Variants in ZFAT observed in about 807,000 individuals in gnomAD.
ZFAT encodes the protein zinc finger and AT-hook domain containing, also known as zinc finger protein ZFAT.
Under a neutral mutation model 117.7 loss-of-function variants are expected in ZFAT, and 64 were observed. That is an observed-to-expected ratio of 0.54 (90% CI 0.44 to 0.67). ZFAT has a LOEUF of 0.67. Ranked by LOEUF, ZFAT falls within the 30% of genes least tolerant of loss-of-function variation. The probability of loss-of-function intolerance (pLI) is 0.00; values close to 1 mark genes in which losing one functional copy is unlikely to be tolerated. For synonymous variants in ZFAT, 679 were observed against 615.0 expected (o/e 1.10, Z -1.54); for missense variants, 1,433 against 1,584.5 (o/e 0.90, Z 1.62).
the ZFAT span, among the ~76,000 whole-genome samples, chr8:134,815,524 AC>A: frequency 6.6e-6 from 1 of 151,998 alleles, no homozygotes; most frequent in South Asian, 2.1e-4. Context: ...CTGTTTTAAA[AC>A]CCTCCAGTGG....
intron 2 of ZFAT, 140 bp from the exon 3 acceptor site, chr8:134,637,852 C>T (rs1026919602): frequency 4.0e-5 from 46 of 1,158,744 alleles, no homozygotes; most frequent in Admixed American, 3.9e-4. Flanking sequence ...CAGACATTAA[C>T]AGCTGCAAAC....
At chr8:134,668,627 G>A (rs944517902) in intron 1 of ZFAT, among the ~76,000 whole-genome samples, 1 of 152,236 alleles carries the variant, frequency 6.6e-6, no homozygotes. Context: ...AAAGACCAAA[G>A]GTAGATAAAA....
chr8:134,732,869 C>G, the ZFAT span, among the ~76,000 whole-genome samples: 1 of 152,040 alleles, frequency 6.6e-6, no homozygotes, highest in Non-Finnish European at 1.5e-5. Flanking sequence ...GAGACTATTC[C>G]GTAGGATCCT....
intron 1 of ZFAT, among the ~76,000 whole-genome samples, chr8:134,709,434 C>T (rs1025442198): frequency 6.6e-6 from 1 of 152,198 alleles, no homozygotes; most frequent in Non-Finnish European, 1.5e-5. Flanking sequence ...TGGTGAGAGG[C>T]AGATCTCTGG....
At chr8:134,678,998 C>T (rs1286732350) in intron 1 of ZFAT, among the ~76,000 whole-genome samples, 1 of 152,036 alleles carries the variant, frequency 6.6e-6, no homozygotes, top group Admixed American at 6.5e-5. Flanking sequence ...AGAAGAAAAC[C>T]TAGGCAATAC....
chr8:134,753,404 C>A, the ZFAT span, among the ~76,000 whole-genome samples: 15 of 152,152 alleles, frequency 9.9e-5, no homozygotes, highest in Non-Finnish European at 2.9e-5. Context: ...TTATGAATGA[C>A]TAGGATCATG....
chr8:134,667,533 G>C (rs1258314176), intron 1 of ZFAT, among the ~76,000 whole-genome samples: 1 of 139,022 alleles, frequency 7.2e-6, no homozygotes, highest in Admixed American at 7.4e-5. Flanking sequence ...AGGTTGATAG[G>C]TGCAGCAAAC....
intron 13 of ZFAT, among the ~76,000 whole-genome samples, chr8:134,519,256 TTGAG>T (rs1217068194): frequency 1.3e-5 from 2 of 152,220 alleles, no homozygotes; most frequent in African/African-American, 4.8e-5. Flanking sequence ...CTTTATGATA[TTGAG>T]TATTCCCATT....
chr8:134,643,096 A>G (rs989917281), intron 2 of ZFAT, among the ~76,000 whole-genome samples: 4 of 152,260 alleles, frequency 2.6e-5, no homozygotes, highest in Admixed American at 6.5e-5. Flanking sequence ...CTCAGGCACC[A>G]TGCTAAGCAC....
chr8:134,482,911 G>A (rs1285811596), intron 15 of ZFAT, among the ~76,000 whole-genome samples: 1 of 152,242 alleles, frequency 6.6e-6, no homozygotes, highest in East Asian at 1.9e-4. Flanking sequence ...CCTCCTGTTG[G>A]GCCTCCTTTA....
intron 15 of ZFAT, among the ~76,000 whole-genome samples, chr8:134,490,554 G>A (rs1817979500): frequency 6.6e-6 from 1 of 152,222 alleles, no homozygotes; most frequent in Admixed American, 6.5e-5. Context: ...TCACATGAGG[G>A]GCCATCAGAT....
chr8:134,689,893 C>A (rs1833511316), intron 1 of ZFAT, among the ~76,000 whole-genome samples: 1 of 152,016 alleles, frequency 6.6e-6, no homozygotes, highest in East Asian at 1.9e-4. Context: ...ACAGCATGGC[C>A]ACTGATGTCA....
intron 15 of ZFAT, among the ~76,000 whole-genome samples, chr8:134,508,159 G>A (rs1819549879): frequency 6.6e-6 from 1 of 152,232 alleles, no homozygotes; most frequent in African/African-American, 2.4e-5. Flanking sequence ...ATCTAGATAT[G>A]CTAAGTCTTG....
At chr8:134,694,473 T>C (rs1833731341) in intron 1 of ZFAT, among the ~76,000 whole-genome samples, 2 of 152,166 alleles carry the variant, frequency 1.3e-5, no homozygotes, top group African/African-American at 4.8e-5. Context: ...TATGAAAAGT[T>C]TTTGTACTAC....
At chr8:134,772,296 A>G in the ZFAT span, among the ~76,000 whole-genome samples, 1 of 152,256 alleles carries the variant, frequency 6.6e-6, no homozygotes, top group Non-Finnish European at 1.5e-5. Flanking sequence ...CATTCTGGTT[A>G]GCCAACTTGT....
intron 7 of ZFAT, among the ~76,000 whole-genome samples, chr8:134,590,946 C>T (rs1456693306): frequency 1.3e-5 from 2 of 152,202 alleles, no homozygotes; most frequent in African/African-American, 4.8e-5. Context: ...CTACCTGGCG[C>T]TGCACAGCCT....
At chr8:134,767,169 T>C in the ZFAT span, 9 of 152,224 alleles carry the variant, frequency 5.9e-5, no homozygotes, top group Admixed American at 5.9e-4. Flanking sequence ...AAATATTCAA[T>C]GTGTGCTTGA....
the ZFAT span, among the ~76,000 whole-genome samples, chr8:134,762,984 T>C: frequency 6.6e-6 from 1 of 152,154 alleles, no homozygotes; most frequent in African/African-American, 2.4e-5. Flanking sequence ...CCACCCCATC[T>C]CTTTATATGG....
intron 1 of ZFAT, among the ~76,000 whole-genome samples, chr8:134,698,368 G>A (rs991829560): frequency 3.3e-5 from 5 of 151,170 alleles, no homozygotes; most frequent in African/African-American, 1.2e-4. Context: ...AGAAGGAGAA[G>A]GAGGCAAGGG....
Sources: allele counts gnomAD v4.1 joint callset (sites outside exome capture counted in the v4.1 genomes callset), GRCh38; gene constraint gnomAD v4.1.1; transcripts MANE v1.5; gene names NCBI Gene and HGNC (gene_info 2026-07-23, HGNC 2026-07-21).